The following CSMD3 variants were observed in gnomAD, a reference collection of about 807,000 sequenced individuals.
CSMD3 encodes the protein CUB and sushi domain-containing protein 3.
CSMD3 carries 177 observed loss-of-function variants against 435.2 expected under a neutral mutation model. The observed-to-expected ratio is 0.41, with a 90% CI of 0.36 to 0.46. The LOEUF is 0.46. CSMD3 is among the 20% of genes least tolerant of loss of function. The pLI is 0.34. For synonymous variants in CSMD3, 1,656 were observed against 1,520.5 expected (o/e 1.09, Z -2.07); for missense variants, 4,265 against 4,504.6 (o/e 0.95, Z 1.52).
At chr8:113,202,437 G>C (rs1282068995) in intron 3 of CSMD3, among the ~76,000 whole-genome samples, 1 of 151,992 alleles carries the variant, frequency 6.6e-6, no homozygotes, top group Non-Finnish European at 1.5e-5. Context: ...CAAGTGAGAA[G>C]GAACTACAAT....
chr8:113,093,951 AT>A (rs2090085777), intron 5 of CSMD3, among the ~76,000 whole-genome samples: 1 of 152,010 alleles, frequency 6.6e-6, no homozygotes, highest in South Asian at 2.1e-4. Context: ...CCAGTATTTC[AT>A]TTTTAATGAC....
At chr8:113,081,266 T>G (rs928690609) in intron 5 of CSMD3, among the ~76,000 whole-genome samples, 1 of 152,188 alleles carries the variant, frequency 6.6e-6, no homozygotes, top group Non-Finnish European at 1.5e-5. Flanking sequence ...CAGATCCATG[T>G]TCACTGTGAA....
At chr8:113,228,105 T>A (rs921849617) in intron 3 of CSMD3, among the ~76,000 whole-genome samples, 1 of 151,596 alleles carries the variant, frequency 6.6e-6, no homozygotes, top group South Asian at 2.1e-4. Flanking sequence ...GTTAACATAA[T>A]AATATAATGT....
chr8:112,656,298 C>G lies in CSMD3; in HGVS notation c.2860G>C (p.Gly954Arg). Residue 954 changes from glycine (G) to arginine (R), a missense_variant, in exon 18 of 71, where the codon GGG (glycine) becomes CGG (arginine). By Grantham distance (125) the Gly-to-Arg change is moderately radical. Coordinates refer to ENST00000297405, the MANE Select transcript of CSMD3 (RefSeq NM_198123.2). ...LNYDVLEVHD[G>R]PNLLSPLLGS... ...AGCAAGGGTGACAGAAGATTTGGCC[C>G]ATCATGAACTTCCAGAACATCATAA... 6.2e-7 allele frequency: 1 copy of G among 1,613,476 alleles called. No individual in the cohort carries two copies. The highest frequency in any genetic ancestry group is 8.5e-7 in the Non-Finnish European group (1 of 1,179,660).
intron 3 of CSMD3, among the ~76,000 whole-genome samples, chr8:113,246,974 C>G (rs1395565415): frequency 6.6e-6 from 1 of 152,188 alleles, no homozygotes; most frequent in Non-Finnish European, 1.5e-5. Flanking sequence ...AGCTTCACTT[C>G]CTGCTGGTGG....
At chr8:113,347,951 A>G (rs2094163195) in intron 1 of CSMD3, among the ~76,000 whole-genome samples, 1 of 152,146 alleles carries the variant, frequency 6.6e-6, no homozygotes, top group Non-Finnish European at 1.5e-5. Flanking sequence ...CTCCAAGAAA[A>G]AAATAAATCA....
At chr8:113,098,237 T>C (rs2090222423) in intron 5 of CSMD3, among the ~76,000 whole-genome samples, 1 of 152,052 alleles carries the variant, frequency 6.6e-6, no homozygotes, top group East Asian at 1.9e-4. Context: ...TACTCAATGA[T>C]ATAATTAGAT....
At chr8:112,879,882 G>A (rs2081399350) in intron 10 of CSMD3, among the ~76,000 whole-genome samples, 1 of 151,926 alleles carries the variant, frequency 6.6e-6, no homozygotes, top group African/African-American at 2.4e-5. Context: ...AGAATACATG[G>A]ATACAGGAAG....
chr8:112,364,177 T>A (rs2131136685), intron 38 of CSMD3, among the ~76,000 whole-genome samples: 1 of 152,092 alleles, frequency 6.6e-6, no homozygotes, highest in Admixed American at 6.6e-5. Context: ...TAAGATAGAG[T>A]CAAATGGATA....
chr8:112,612,552 A>G (rs1202523624), intron 22 of CSMD3, among the ~76,000 whole-genome samples: 1 of 152,088 alleles, frequency 6.6e-6, no homozygotes, highest in Non-Finnish European at 1.5e-5. Context: ...TCTTCATAGC[A>G]ACACTAATAG....
At chr8:113,156,928 T>C (rs62519803) in intron 4 of CSMD3, among the ~76,000 whole-genome samples, 1 of 141,384 alleles carries the variant, frequency 7.1e-6, no homozygotes, top group African/African-American at 2.8e-5. Flanking sequence ...AGAGATTTTG[T>C]CTCAAAAGAG....
intron 23 of CSMD3, among the ~76,000 whole-genome samples, chr8:112,576,139 T>C (rs1310671603): frequency 1.3e-5 from 2 of 152,074 alleles, no homozygotes; most frequent in East Asian, 1.9e-4. Flanking sequence ...TTGCCAAAAA[T>C]AGTCAAATAA....
In CSMD3 at chr8:112,289,382, G is replaced by A. The variant is rs757447141; in HGVS notation, c.9131C>T (p.Ser3044Leu). Reference sequence around the variant, plus strand: ...AGTGGTACCTGAACAATGAGGTTGTGATCCACTCCAATGGCCATTCAATTG... The same window carrying A: ...AGTGGTACCTGAACAATGAGGTTGTAATCCACTCCAATGGCCATTCAATTG... Reference protein sequence around the residue: ...TCQLNGHWSGSQPHCSGDATG... With the variant: ...TCQLNGHWSGLQPHCSGDATG... Residue 3044 changes from serine to leucine, a missense_variant, in exon 57 of 71, where the codon TCA becomes TTA. Coordinates refer to ENST00000297405, the MANE Select transcript of CSMD3 (RefSeq NM_198123.2). The A allele has an allele frequency of 5.1e-5, 82 of 1,613,016 alleles. No individual in the cohort carries two copies. Among genetic ancestry groups the A allele is most frequent in the Non-Finnish European group, 7.0e-5 (82 of 1,179,392 alleles).
intron 5 of CSMD3, among the ~76,000 whole-genome samples, chr8:113,088,518 T>A (rs1197618577): frequency 6.6e-6 from 1 of 151,300 alleles, no homozygotes; most frequent in Non-Finnish European, 1.5e-5. Flanking sequence ...CACCATGGAA[T>A]ACTATGCAGC....
intron 9 of CSMD3, among the ~76,000 whole-genome samples, chr8:112,935,461 T>C (rs904328521): frequency 1.4e-4 from 21 of 152,086 alleles, no homozygotes; most frequent in Admixed American, 6.6e-5. Context: ...TGGTATTTTG[T>C]TTGAGAATGC....
In CSMD3 at chr8:112,822,555, G is replaced by A. The variant is rs1036059854; in HGVS notation, c.1859+7131C>T. 3.0e-4 allele frequency among the ~76,000 whole-genome samples: 46 copies of A among 152,258 alleles called. 1 individual carries two copies. Among genetic ancestry groups the A allele is most frequent in the Admixed American group, 2.7e-3 (42 of 15,284 alleles). ...TACCAGCTTGAGGAGTTTTGGGGCT[G>A]AGACAATGGGGTTTTCTAAATATAG... is the stretch of plus-strand genomic sequence containing the variant. On this transcript the variant is annotated intron_variant, in intron 12 of 70. Transcript: ENST00000297405.
chr8:112,923,618 A>T (rs2082815232), intron 9 of CSMD3, among the ~76,000 whole-genome samples: 1 of 152,086 alleles, frequency 6.6e-6, no homozygotes, highest in South Asian at 2.1e-4. Context: ...CTCTGTGTAA[A>T]ACAGCTACGC....
In CSMD3 at chr8:112,390,736, T is replaced by C. The variant is rs573906831; in HGVS notation, c.5862A>G (p.Gly1954=). The part of the protein sequence containing the change: ...TKRKGTILSP[G]YPEPYDNNLN... ...GATTGTTGTCATAAGGCTCAGGGTA[T>C]CCAGGTGACAAAATAGTCCCTTTGC... The change falls in exon 36 of 71, where the codon GGA becomes GGG. Residue 1954 remains glycine, a synonymous_variant. Coordinates refer to ENST00000297405, the MANE Select transcript of CSMD3 (RefSeq NM_198123.2). 109 of 1,612,578 alleles carry C rather than the reference T, an allele frequency of 6.8e-5. 3 individuals carry two copies. The South Asian group carries it at 1.1e-3, about 16-fold the overall frequency.
In CSMD3 at chr8:112,620,058, A is replaced by T. The variant is rs768194740; in HGVS notation, c.3715+16759T>A. On this transcript the variant is annotated intron_variant, in intron 22 of 70. Coordinates refer to ENST00000297405, the MANE Select transcript of CSMD3 (RefSeq NM_198123.2). The stretch of plus-strand genomic sequence containing the variant: ...GGAGTGGGGTTGGGAGTGGGGGTAT[A>T]GTGACTCAAAATGTTCAATGTTACA... Among the ~76,000 whole-genome samples, 3 of 151,998 alleles carry T rather than the reference A, an allele frequency of 2.0e-5. 1 individual carries two copies. Among genetic ancestry groups the T allele is most frequent in the Non-Finnish European group, 4.4e-5 (3 of 67,940 alleles).
Sources: gnomAD v4.1 joint callset for allele counts (sites outside exome capture counted in the v4.1 genomes callset) on GRCh38, gnomAD v4.1.1 for gene constraint, MANE v1.5 for transcripts, NCBI Gene and HGNC (gene_info 2026-07-23, HGNC 2026-07-21) for gene names.